The following CPNE4 variants were observed in gnomAD, a reference collection of about 807,000 sequenced individuals.
CPNE4 encodes the protein copine-4.
CPNE4 carries 25 observed loss-of-function variants against 67.9 expected under a neutral mutation model. The ratio of observed to expected loss-of-function variants is 0.37; its 90% CI spans 0.27 to 0.51. The LOEUF (loss-of-function observed/expected upper bound fraction) is 0.51, where lower values mean the gene tolerates loss of function less well. CPNE4 is among the 20% of genes least tolerant of loss of function. CPNE4 has a pLI of 0.93. For missense variants in CPNE4, 464 were observed against 690.8 expected (o/e 0.67, Z 3.68); for synonymous variants, 242 against 244.9 (o/e 0.99, Z 0.11).
chr3:131,683,891 C>T (rs9812534), intron 6 of CPNE4, among the ~76,000 whole-genome samples: 52,648 of 151,934 alleles, frequency 0.35, 11,051 homozygotes, highest in Non-Finnish European at 0.48. Context: ...CCTCCATGGG[C>T]GCAGGATGAG....
chr3:131,986,929 T>C (rs2073063911), intron 1 of CPNE4, among the ~76,000 whole-genome samples: 1 of 150,178 alleles, frequency 6.7e-6, no homozygotes. Flanking sequence ...TTCAGCTGCA[T>C]ATTACAATCC....
intron 2 of CPNE4, among the ~76,000 whole-genome samples, chr3:131,728,984 G>T (rs1379444831): frequency 6.6e-6 from 1 of 151,894 alleles, no homozygotes; most frequent in Non-Finnish European, 1.5e-5. Context: ...TTGTACAATG[G>T]CCATCTATTC....
chr3:131,860,733 G>T (rs2086643734), intron 2 of CPNE4, among the ~76,000 whole-genome samples: 1 of 152,162 alleles, frequency 6.6e-6, no homozygotes, highest in South Asian at 2.1e-4. Flanking sequence ...CACGGAAGAT[G>T]CTAGAAGAAT....
intron 1 of CPNE4, among the ~76,000 whole-genome samples, chr3:132,010,683 A>G (rs2073737116): frequency 6.6e-6 from 1 of 152,188 alleles, no homozygotes; most frequent in African/African-American, 2.4e-5. Flanking sequence ...CTCACAGTGC[A>G]TGTAGTCAGA....
intron 6 of CPNE4, among the ~76,000 whole-genome samples, chr3:131,674,554 T>C (rs1389661697): frequency 6.6e-6 from 1 of 151,932 alleles, no homozygotes; most frequent in Admixed American, 6.6e-5. Flanking sequence ...TCTTGGTAGA[T>C]TGTATGGGTG....
intron 3 of CPNE4, among the ~76,000 whole-genome samples, chr3:131,712,683 C>A (rs1034114908): frequency 6.6e-6 from 1 of 152,186 alleles, no homozygotes; most frequent in South Asian, 2.1e-4. Flanking sequence ...TGGCCGTTTG[C>A]CATACTATGA....
chr3:131,591,993 C>A (rs980271738), intron 7 of CPNE4, among the ~76,000 whole-genome samples: 5 of 152,164 alleles, frequency 3.3e-5, no homozygotes, highest in African/African-American at 1.2e-4. Context: ...TCTCACAGAG[C>A]AGTTTAGGTA....
intron 1 of CPNE4, among the ~76,000 whole-genome samples, chr3:132,010,733 A>C (rs898364243): frequency 2.0e-5 from 3 of 152,196 alleles, no homozygotes; most frequent in African/African-American, 7.2e-5. Flanking sequence ...GCTGAGCAAA[A>C]TCAGGCCAGA....
chr3:131,541,527 G>C (rs564065181), intron 15 of CPNE4, among the ~76,000 whole-genome samples: 142 of 151,366 alleles, frequency 9.4e-4, no homozygotes, highest in African/African-American at 3.4e-3. Flanking sequence ...ATAGAAAACT[G>C]ATAGCAGGCG....
chr3:131,773,497 G>A (rs1272009458), intron 2 of CPNE4, among the ~76,000 whole-genome samples: 2 of 151,942 alleles, frequency 1.3e-5, no homozygotes, highest in African/African-American at 4.8e-5. Context: ...ACAGGTGTGT[G>A]CCACCATGCC....
chr3:131,961,549 G>A (rs767645579), intron 1 of CPNE4, among the ~76,000 whole-genome samples: 6 of 152,186 alleles, frequency 3.9e-5, no homozygotes, highest in Non-Finnish European at 7.3e-5. Context: ...CAGTCAGGAT[G>A]TATGGTTGAA....
At chr3:131,657,942 CT>C (rs2080021373) in intron 7 of CPNE4, among the ~76,000 whole-genome samples, 1 of 152,084 alleles carries the variant, frequency 6.6e-6, no homozygotes, top group African/African-American at 2.4e-5. Flanking sequence ...TCAGTCACAA[CT>C]GCTGACCAGA....
At chr3:131,734,507 T>C (rs2082193924) in intron 2 of CPNE4, among the ~76,000 whole-genome samples, 1 of 152,158 alleles carries the variant, frequency 6.6e-6, no homozygotes, top group African/African-American at 2.4e-5. Context: ...TAGGAGTATC[T>C]CCTGTGTCAC....
chr3:131,931,507 T>G (rs2071059368), intron 1 of CPNE4, among the ~76,000 whole-genome samples: 1 of 152,152 alleles, frequency 6.6e-6, no homozygotes, highest in African/African-American at 2.4e-5. Flanking sequence ...TTAGAATTTA[T>G]GTTCATATGA....
intron 1 of CPNE4, among the ~76,000 whole-genome samples, chr3:131,915,133 A>T (rs2089137327): frequency 6.6e-6 from 1 of 152,184 alleles, no homozygotes; most frequent in East Asian, 1.9e-4. Context: ...ACTTATCCCA[A>T]TGTCATAGTA....
At chr3:131,704,501 G>A (rs973547791) in intron 3 of CPNE4, among the ~76,000 whole-genome samples, 2 of 152,108 alleles carry the variant, frequency 1.3e-5, no homozygotes, top group Non-Finnish European at 2.9e-5. Context: ...GTTAACTAAT[G>A]CACCCTTTAT....
intron 7 of CPNE4, among the ~76,000 whole-genome samples, chr3:131,630,286 A>G (rs573880768): frequency 6.6e-6 from 1 of 152,320 alleles, no homozygotes; most frequent in Non-Finnish European, 1.5e-5. Context: ...TTACTTAATC[A>G]TAGCCCCAAA....
At chr3:131,917,504 G>A (rs2070595801) in intron 1 of CPNE4, among the ~76,000 whole-genome samples, 1 of 152,090 alleles carries the variant, frequency 6.6e-6, no homozygotes, top group Admixed American at 6.6e-5. Context: ...CATGGAAGGA[G>A]TGGTGTCGGC....
At chr3:131,648,046 C>T (rs2079710824) in intron 7 of CPNE4, among the ~76,000 whole-genome samples, 1 of 152,166 alleles carries the variant, frequency 6.6e-6, no homozygotes. Flanking sequence ...AAGGATTTTT[C>T]ATTCCCTATC....
Sources: gnomAD v4.1 joint callset for allele counts (sites outside exome capture counted in the v4.1 genomes callset) on GRCh38, gnomAD v4.1.1 for gene constraint, MANE v1.5 for transcripts, NCBI Gene and HGNC (gene_info 2026-07-23, HGNC 2026-07-21) for gene names.